The following GPHN variants were observed in gnomAD, a reference collection of about 807,000 sequenced individuals.
GPHN encodes the protein gephyrin.
Under a neutral mutation model 95.5 loss-of-function variants are expected in GPHN, and 17 were observed. The ratio of observed to expected loss-of-function variants is 0.18; its 90% CI spans 0.12 to 0.27. GPHN has a LOEUF of 0.27. Ranked by LOEUF, GPHN falls within the 10% of genes least tolerant of loss-of-function variation. The pLI is 1.00. For missense variants in GPHN, 660 were observed against 978.1 expected (o/e 0.67, Z 4.34); for synonymous variants, 320 against 322.5 (o/e 0.99, Z 0.08).
At chr14:67,365,034 T>A in the GPHN span, 1 of 1,553,568 alleles carries the variant, frequency 6.4e-7, no homozygotes, top group Non-Finnish European at 8.7e-7. Context: ...ATCTGTAATA[T>A]AAATTTCAGA....
At chr14:67,590,611 G>A in the GPHN span, among the ~76,000 whole-genome samples, 16 of 152,122 alleles carry the variant, frequency 1.1e-4, no homozygotes, top group Non-Finnish European at 5.9e-5. Flanking sequence ...TGCCCACCTC[G>A]GCTTCCCAAA....
intron 1 of GPHN, among the ~76,000 whole-genome samples, chr14:66,646,324 A>G (rs1023007319): frequency 6.6e-6 from 1 of 152,102 alleles, no homozygotes. Flanking sequence ...TGAAATAACA[A>G]ATGTTGGTGA....
At chr14:66,807,188 G>A (rs72728665) in intron 3 of GPHN, among the ~76,000 whole-genome samples, 6,726 of 152,194 alleles carry the variant, frequency 0.044, 192 homozygotes, top group Middle Eastern at 0.068. Flanking sequence ...ATCAGATCTC[G>A]TGAGACTTAT....
intron 9 of GPHN, among the ~76,000 whole-genome samples, chr14:67,003,417 G>T (rs1018288989): frequency 2.0e-5 from 3 of 151,664 alleles, no homozygotes; most frequent in Non-Finnish European, 3.0e-5. Flanking sequence ...TCTACTAATT[G>T]TAACATTATT....
chr14:67,515,458 G>A, the GPHN span: 1 of 171,948 alleles, frequency 5.8e-6, no homozygotes, highest in Non-Finnish European at 1.2e-5. Context: ...TAGTACGGAT[G>A]CGCTGCAAAC....
intron 4 of GPHN, among the ~76,000 whole-genome samples, chr14:66,855,409 A>T (rs2062757935): frequency 6.6e-6 from 1 of 152,104 alleles, no homozygotes; most frequent in East Asian, 1.9e-4. Flanking sequence ...GGCTTTTTTC[A>T]TTTAGCCTAA....
At chr14:67,438,006 C>T in the GPHN span, among the ~76,000 whole-genome samples, 5 of 152,074 alleles carry the variant, frequency 3.3e-5, no homozygotes, top group Non-Finnish European at 5.9e-5. Context: ...GAGATAGTAC[C>T]AAGGAGCCAG....
At chr14:67,436,516 G>A in the GPHN span, among the ~76,000 whole-genome samples, 6 of 152,136 alleles carry the variant, frequency 3.9e-5, no homozygotes, top group Non-Finnish European at 5.9e-5. Flanking sequence ...TGGTTCAGCC[G>A]AGGGAGCCCC....
the GPHN span, among the ~76,000 whole-genome samples, chr14:67,219,713 C>A: frequency 0.23 from 35,175 of 151,988 alleles, 5,624 homozygotes; most frequent in East Asian, 0.44. Flanking sequence ...AATTTTAAAG[C>A]TATAAAAGAT....
the GPHN span, chr14:67,729,247 C>G: frequency 6.2e-7 from 1 of 1,610,042 alleles, no homozygotes; most frequent in South Asian, 1.1e-5. Context: ...TGAGCTGGTC[C>G]GGCACTCCTC....
At chr14:66,776,320 G>C in intron 2 of GPHN, 144 bp from the exon 3 acceptor site, 2 of 685,562 alleles carry the variant, frequency 2.9e-6, no homozygotes, top group South Asian at 1.7e-5. Flanking sequence ...GAAAATATAT[G>C]CACAAAATGG....
chr14:67,436,777 C>G, the GPHN span, among the ~76,000 whole-genome samples: 4 of 152,176 alleles, frequency 2.6e-5, no homozygotes, highest in Non-Finnish European at 5.9e-5. Context: ...CCAGGCAGGC[C>G]AGGCGCTGTG....
intron 3 of GPHN, among the ~76,000 whole-genome samples, chr14:66,785,823 T>C (rs1401678425): frequency 2.0e-5 from 3 of 149,802 alleles, no homozygotes; most frequent in African/African-American, 7.3e-5. Flanking sequence ...AAATAAGATG[T>C]CTCAAATGAA....
At chr14:66,604,912 A>G (rs2062445590) in intron 1 of GPHN, among the ~76,000 whole-genome samples, 2 of 129,734 alleles carry the variant, frequency 1.5e-5, no homozygotes, top group South Asian at 4.6e-4. Context: ...TTCTGTCCAT[A>G]TGTATTCCGT....
At chr14:66,722,332 C>T (rs1026423696) in intron 2 of GPHN, among the ~76,000 whole-genome samples, 8 of 152,092 alleles carry the variant, frequency 5.3e-5, no homozygotes, top group Non-Finnish European at 1.2e-4. Flanking sequence ...AACCCTTTCA[C>T]GATATCGTTA....
chr14:67,343,336 C>A, the GPHN span: 3 of 1,534,402 alleles, frequency 2.0e-6, no homozygotes, highest in Non-Finnish European at 1.8e-6. Context: ...AGGGTATGGA[C>A]AAGTGACAAA....
intron 13 of GPHN, among the ~76,000 whole-genome samples, chr14:67,102,104 C>G (rs2077737892): frequency 6.6e-6 from 1 of 151,682 alleles, no homozygotes; most frequent in African/African-American, 2.4e-5. Flanking sequence ...GATCTCCTGA[C>G]CTCGTGATCC....
the GPHN span, among the ~76,000 whole-genome samples, chr14:67,211,596 C>T: frequency 6.6e-6 from 1 of 152,118 alleles, no homozygotes; most frequent in African/African-American, 2.4e-5. Context: ...ATTATTTTAA[C>T]ACAGGAAAAT....
the GPHN span, among the ~76,000 whole-genome samples, chr14:67,220,309 A>G: frequency 0.012 from 1,807 of 152,190 alleles, 37 homozygotes; most frequent in African/African-American, 0.041. Context: ...TGGGCGTGGT[A>G]GTGCACACCT....
Sources: gnomAD v4.1 joint callset for allele counts (sites outside exome capture counted in the v4.1 genomes callset) on GRCh38, gnomAD v4.1.1 for gene constraint, MANE v1.5 for transcripts, NCBI Gene and HGNC (gene_info 2026-07-23, HGNC 2026-07-21) for gene names.